SOS2: variants seen among roughly 807,000 people sequenced by gnomAD.
SOS2 encodes the protein SOS Ras/Rho guanine nucleotide exchange factor 2, also known as son of sevenless homolog 2.
A neutral mutation model predicts 148.2 loss-of-function variants in SOS2; 65 were observed. The ratio of observed to expected loss-of-function variants is 0.44; its 90% CI spans 0.36 to 0.54. The LOEUF (loss-of-function observed/expected upper bound fraction) is 0.54. SOS2 is among the 20% of genes least tolerant of loss of function. SOS2 has a pLI of 0.00. For missense variants in SOS2, 1,341 were observed against 1,590.2 expected, an observed-to-expected ratio of 0.84 and a Z score of 2.67; for synonymous variants, 539 against 537.1, an observed-to-expected ratio of 1.00 and a Z score of -0.05.
chr14:50,123,090 G>A (rs1195350902), intron 21 of SOS2, among the ~76,000 whole-genome samples: 2 of 152,060 alleles, frequency 1.3e-5, no homozygotes, highest in South Asian at 2.1e-4. Context: ...GAGGTGGGAG[G>A]GGAGCAACAT....
At chr14:50,142,679 T>C (rs1276502198) in intron 16 of SOS2, among the ~76,000 whole-genome samples, 3 of 152,204 alleles carry the variant, frequency 2.0e-5, no homozygotes, top group African/African-American at 7.2e-5. Context: ...TATTCTACAA[T>C]AGAGGTATAA....
chr14:50,206,882 G>A (rs563722909), intron 1 of SOS2, among the ~76,000 whole-genome samples: 2 of 152,158 alleles, frequency 1.3e-5, no homozygotes, highest in African/African-American at 4.8e-5. Flanking sequence ...GTGCAATCAT[G>A]GCTCACTGTA....
intron 17 of SOS2, 84 bp from the exon 18 acceptor site, chr14:50,138,868 A>G: frequency 1.8e-6 from 1 of 569,146 alleles, no homozygotes; most frequent in South Asian, 2.9e-5. Context: ...CAACTGATCT[A>G]GTAAAGTTGA....
At chr14:50,163,145 T>G (rs1318802114) in intron 8 of SOS2, among the ~76,000 whole-genome samples, 2 of 150,952 alleles carry the variant, frequency 1.3e-5, no homozygotes, top group African/African-American at 4.8e-5. Flanking sequence ...TTTAATCTTT[T>G]GAAAGAAGAG....
chr14:50,226,945 T>C (rs1238487242), intron 1 of SOS2, among the ~76,000 whole-genome samples: 1 of 152,214 alleles, frequency 6.6e-6, no homozygotes, highest in Non-Finnish European at 1.5e-5. Context: ...CATGCTCTTT[T>C]TTCCCCAAGT....
chr14:50,121,502 C>T (rs1020013290), intron 21 of SOS2, among the ~76,000 whole-genome samples: 6 of 130,178 alleles, frequency 4.6e-5, no homozygotes, highest in African/African-American at 9.3e-5. Context: ...CTATCCCGAT[C>T]ATGTGGCTCT....
In SOS2 at chr14:50,195,526, T is replaced by C. The variant is rs375602006; in HGVS notation, c.510+4165A>G. ...CCTGTAATCCCAGCATCTTGGGAGG[T>C]TGAGGCAAGAAAATCACTAGAAGCC... On this transcript the variant is annotated intron_variant, in intron 4 of 22. Coordinates refer to ENST00000216373, the MANE Select transcript of SOS2 (RefSeq NM_006939.4). Among the ~76,000 whole-genome samples the C allele has an allele frequency of 4.2e-4, 63 of 151,772 alleles. No homozygotes were observed. The East Asian group carries it at 5.6e-3, about 14-fold the overall frequency.
At chr14:50,188,459 T>G (rs759440965) in intron 5 of SOS2, 38 bp downstream of exon 5, 2 of 1,342,036 alleles carry the variant, frequency 1.5e-6, no homozygotes, top group East Asian at 4.6e-5. Flanking sequence ...TCTGGTTTTT[T>G]GGGGTACACA....
At chr14:50,158,909 G>A (rs1884904125) in intron 10 of SOS2, among the ~76,000 whole-genome samples, 1 of 152,184 alleles carries the variant, frequency 6.6e-6, no homozygotes, top group Non-Finnish European at 1.5e-5. Context: ...ATATGGCTGG[G>A]TGAGGTGGCT....
intron 1 of SOS2, among the ~76,000 whole-genome samples, chr14:50,213,224 A>T (rs1886938645): frequency 6.6e-6 from 1 of 152,200 alleles, no homozygotes; most frequent in East Asian, 1.9e-4. Context: ...AGACTGTCTC[A>T]AGAAAACAAA....
rs1477278734 is a variant in SOS2 at position 50,180,647 on chromosome 14, C to T, written c.894G>A (p.Gln298=). The part of the protein sequence containing the change: ...QAFDPYETLS[Q]DILSPEFHEH... ...CATGAAACTCTGGTGAAAGAATGTC[C>T]TGTGATAATGTTTCATAAGGATCAA... The change falls in exon 7 of 23, where the codon CAG becomes CAA. Residue 298 remains glutamine (Q), a synonymous_variant. Transcript: ENST00000216373. 1.2e-6 allele frequency: 2 copies of T among 1,602,608 alleles called. No individual in the cohort carries two copies. The highest frequency in any genetic ancestry group is 8.5e-7 in the Non-Finnish European group (1 of 1,174,746).
intron 4 of SOS2, among the ~76,000 whole-genome samples, chr14:50,189,305 TACACACACAC>T (rs141100073): frequency 1.5e-5 from 1 of 68,668 alleles, no homozygotes; most frequent in Non-Finnish European, 2.8e-5. Context: ...TATACTGTAA[TACACACACAC>T]ACACACACAT....
At chr14:50,130,231 T>C (rs1429884655) in intron 20 of SOS2, among the ~76,000 whole-genome samples, 2 of 152,220 alleles carry the variant, frequency 1.3e-5, no homozygotes, top group East Asian at 3.8e-4. Context: ...TGTTTTCTTA[T>C]TCATCATCTA....
chr14:50,159,963 A>T lies in SOS2; in HGVS notation c.1320T>A (p.Asn440Lys), dbSNP rs1884941722. The part of the protein sequence containing the change: ...WEGKDIGQCC[N>K]EFIMEGPLTR... ...TCAATGGTCCCTCCATAATGAATTC[A>T]TTACAACACTGTCCAATATCTTTGC... The change falls in exon 10 of 23, where the codon AAT (asparagine) becomes AAA (lysine). Residue 440 changes from asparagine (N) to lysine (K), a missense_variant. Physicochemically the swap from Asn to Lys is moderately conservative, Grantham distance 94. Around this residue, in one of 4 missense-constraint regions of SOS2, gnomAD observed 574 missense variants for 711.1 expected, o/e 0.81. Transcript: ENST00000216373. 10 of 1,614,188 alleles carry T rather than the reference A, an allele frequency of 6.2e-6. No individual in the cohort carries two copies. Among genetic ancestry groups the T allele is most frequent in the Non-Finnish European group, 7.6e-6 (9 of 1,180,024 alleles).
At position 50,159,572 on chromosome 14, in the gene SOS2, C is replaced by T. The variant is rs770543029; in HGVS notation, c.1711G>A (p.Glu571Lys). 6.2e-7 allele frequency: 1 copy of T among 1,613,816 alleles called. No homozygotes were observed. The highest frequency in any genetic ancestry group is 1.3e-5 in the African/African-American group (1 of 74,878). The change falls in exon 10 of 23, where the codon GAA becomes AAA. Residue 571 changes from glutamate to lysine, a missense_variant. By Grantham distance (56) the Glu-to-Lys change is moderately conservative. This residue lies in a region of SOS2 where 574 missense variants were observed against 711.1 expected (regional missense o/e 0.81). Coordinates refer to ENST00000216373, the MANE Select transcript of SOS2 (RefSeq NM_006939.4). Reference sequence around the variant, plus strand: ...TCTTTTACTACAAAACGATATACTTCAGGACTTGGTAATCTCAGTGGTTGC... The same window carrying T: ...TCTTTTACTACAAAACGATATACTTTAGGACTTGGTAATCTCAGTGGTTGC... ...NEQPLRLPSP[E>K]VYRFVVKDSE...
chr14:50,214,138 CT>C (rs1886971908), intron 1 of SOS2, among the ~76,000 whole-genome samples: 1 of 151,876 alleles, frequency 6.6e-6, no homozygotes, highest in African/African-American at 2.4e-5. Context: ...AGCGAATTAT[CT>C]TTTTATTTAC....
chr14:50,212,302 C>G (rs1000835661), intron 1 of SOS2, among the ~76,000 whole-genome samples: 36 of 152,142 alleles, frequency 2.4e-4, no homozygotes, highest in Non-Finnish European at 2.9e-5. Flanking sequence ...GGTGAAACCC[C>G]GTCTCTACTA....
chr14:50,129,906 C>T, intron 21 of SOS2, 55 bp downstream of exon 21: 1 of 1,040,802 alleles, frequency 9.6e-7, no homozygotes, highest in Non-Finnish European at 1.4e-6. Context: ...ATATAATCAA[C>T]CAGATTATTA....
In SOS2 at chr14:50,150,193, C is replaced by G; in HGVS notation, c.2199G>C (p.Lys733Asn). Residue 733 changes from lysine to asparagine, a missense_variant, in exon 14 of 23, where the codon AAG becomes AAC. This residue lies in a region of SOS2 where 408 missense variants were observed against 506.6 expected (regional missense o/e 0.81). Transcript: ENST00000216373. ...GAGCTTGCTTCTTCCTCCTGATGAT[C>G]TTAGCAATTGACTCTACCCATTTTT... ...AMKKWVESIA[K>N]IIRRKKQAQA... is the part of the protein sequence containing the mutation. 6.2e-7 allele frequency: 1 copy of G among 1,613,168 alleles called. No individual in the cohort carries two copies. Among genetic ancestry groups the G allele is most frequent in the Non-Finnish European group, 8.5e-7 (1 of 1,179,154 alleles).
Sources: allele counts gnomAD v4.1 joint callset (sites outside exome capture counted in the v4.1 genomes callset), GRCh38; gene constraint gnomAD v4.1.1; regional missense constraint gnomAD v4.1.1; transcripts MANE v1.5; gene names NCBI Gene and HGNC (gene_info 2026-07-23, HGNC 2026-07-21).